Variants in IL1RAPL1 observed in about 807,000 individuals in gnomAD.
IL1RAPL1 encodes the protein interleukin-1 receptor accessory protein-like 1.
Under a neutral mutation model 48.4 loss-of-function variants are expected in IL1RAPL1, and 3 were observed. The ratio of observed to expected loss-of-function variants is 0.06; its 90% CI spans 0.03 to 0.16. IL1RAPL1 has a LOEUF of 0.16. Among genes scored for constraint, IL1RAPL1 ranks in the 10% least tolerant of loss-of-function variants. The pLI is 1.00. For synonymous variants in IL1RAPL1, 185 were observed against 187.7 expected (o/e 0.99, Z 0.12); for missense variants, 349 against 530.6 (o/e 0.66, Z 3.36).
At chrX:28,753,239 A>C (rs1936064279) in intron 1 of IL1RAPL1, among the ~76,000 whole-genome samples, 1 of 111,751 alleles carries the variant, frequency 8.9e-6, no homozygotes, top group Admixed American at 9.5e-5. Context: ...AAAGTTGCTG[A>C]CCCCTACTAT....
intron 5 of IL1RAPL1, among the ~76,000 whole-genome samples, chrX:29,485,043 A>G (rs2147749208): frequency 8.9e-6 from 1 of 112,282 alleles, no homozygotes; most frequent in Admixed American, 9.4e-5. Context: ...TTCAAGAATT[A>G]GATTATTATT....
intron 2 of IL1RAPL1, among the ~76,000 whole-genome samples, chrX:29,121,334 T>C (rs1325479227): frequency 8.9e-6 from 1 of 112,298 alleles, no homozygotes; most frequent in African/African-American, 3.2e-5. Flanking sequence ...GTAGAAAATA[T>C]TGTTAAGTCA....
chrX:29,041,251 T>C (rs1926838865), intron 2 of IL1RAPL1, among the ~76,000 whole-genome samples: 1 of 111,792 alleles, frequency 8.9e-6, no homozygotes, highest in African/African-American at 3.2e-5. Flanking sequence ...CTTAATCTGC[T>C]TTCCCTGAGA....
chrX:29,532,271 A>G (rs1371706431), intron 5 of IL1RAPL1, among the ~76,000 whole-genome samples: 1 of 111,880 alleles, frequency 8.9e-6, no homozygotes, highest in Non-Finnish European at 1.9e-5. Context: ...CCAAGATTAG[A>G]GTAGGTAGAA....
chrX:29,808,438 T>C (rs1309376137), intron 6 of IL1RAPL1, among the ~76,000 whole-genome samples: 1 of 111,672 alleles, frequency 9.0e-6, no homozygotes, highest in East Asian at 2.8e-4. Context: ...TTAAAATTTA[T>C]AGAGTTGCAA....
intron 5 of IL1RAPL1, among the ~76,000 whole-genome samples, chrX:29,645,506 A>G (rs1329330975): frequency 9.2e-6 from 1 of 108,190 alleles, no homozygotes; most frequent in Admixed American, 9.8e-5. Flanking sequence ...ATCTAGCATC[A>G]GTCAGAATTC....
At chrX:29,148,170 G>C (rs754313018) in intron 2 of IL1RAPL1, among the ~76,000 whole-genome samples, 3 of 111,495 alleles carry the variant, frequency 2.7e-5, no homozygotes, top group Non-Finnish European at 3.8e-5. Context: ...TACATATATA[G>C]TCTATACATA....
rs1933853674 is a variant in IL1RAPL1, at chrX:28,587,474, G to C, written c.-598G>C. ...GTACAAGGAAAACCCCGTCGGATCT[G>C]TTATTGCGGGATACTTGTGAAATAT... On this transcript the variant is annotated 5_prime_UTR_variant, in exon 1 of 11. Transcript: ENST00000378993. The C allele has an allele frequency of 9.1e-6, 1 of 109,325 alleles. No individual in the cohort carries two copies. The highest frequency in any genetic ancestry group is 3.3e-5 in the African/African-American group (1 of 30,033). The allele number at this position is 109,325 out of a possible 1,213,427, so 9.0% of individuals were successfully genotyped here.
chrX:28,807,180 A>C (rs6630769), intron 2 of IL1RAPL1, among the ~76,000 whole-genome samples: 36,387 of 110,144 alleles, frequency 0.33, 4,710 homozygotes, highest in East Asian at 0.74. Flanking sequence ...AAAATTACTT[A>C]TCTCTAATGG....
At chrX:29,570,092 C>G (rs1281690314) in intron 5 of IL1RAPL1, among the ~76,000 whole-genome samples, 1 of 112,088 alleles carries the variant, frequency 8.9e-6, no homozygotes, top group Non-Finnish European at 1.9e-5. Flanking sequence ...TTTGCCTCAT[C>G]AGACGGATGC....
chrX:28,992,421 C>T (rs1396404266), intron 2 of IL1RAPL1, among the ~76,000 whole-genome samples: 4 of 98,831 alleles, frequency 4.0e-5, no homozygotes, highest in African/African-American at 1.1e-4. Context: ...GCCTGGGAGA[C>T]GGAGGTTGCA....
chrX:29,214,812 A>T (rs1307231528), intron 2 of IL1RAPL1, among the ~76,000 whole-genome samples: 1 of 112,271 alleles, frequency 8.9e-6, no homozygotes, highest in East Asian at 2.8e-4. Flanking sequence ...TTCATTGTGA[A>T]TAACTAATGC....
At chrX:29,033,978 T>A (rs971854570) in intron 2 of IL1RAPL1, among the ~76,000 whole-genome samples, 1 of 110,663 alleles carries the variant, frequency 9.0e-6, no homozygotes, top group African/African-American at 3.3e-5. Context: ...AAAAAGAAAT[T>A]ATAGTACCTG....
At chrX:29,053,883 G>A (rs1395647975) in intron 2 of IL1RAPL1, among the ~76,000 whole-genome samples, 2 of 111,674 alleles carry the variant, frequency 1.8e-5, no homozygotes, top group Non-Finnish European at 3.8e-5. Context: ...AATTGTAGGA[G>A]TGCAGCTTTA....
At chrX:29,865,829 T>C (rs1286910698) in intron 6 of IL1RAPL1, among the ~76,000 whole-genome samples, 1 of 103,653 alleles carries the variant, frequency 9.6e-6, no homozygotes, top group African/African-American at 3.5e-5. Context: ...TTTGTATTTT[T>C]AGTAAAGAAG....
intron 2 of IL1RAPL1, among the ~76,000 whole-genome samples, chrX:29,177,928 C>CT (rs1302881303): frequency 8.9e-6 from 1 of 111,897 alleles, no homozygotes; most frequent in South Asian, 3.7e-4. Flanking sequence ...TGAATTCATC[C>CT]TTTTTTATGG....
intron 6 of IL1RAPL1, among the ~76,000 whole-genome samples, chrX:29,710,643 T>C (rs1449493939): frequency 1.9e-5 from 2 of 105,821 alleles, no homozygotes; most frequent in Non-Finnish European, 3.9e-5. Context: ...AATGTTTTGT[T>C]CTAGAAACTT....
At chrX:28,669,476 C>T (rs1234266695) in intron 1 of IL1RAPL1, among the ~76,000 whole-genome samples, 1 of 107,751 alleles carries the variant, frequency 9.3e-6, no homozygotes, top group Non-Finnish European at 1.9e-5. Context: ...AAAACTAGCC[C>T]CTTGTGGTGG....
intron 6 of IL1RAPL1, among the ~76,000 whole-genome samples, chrX:29,887,037 G>A (rs1172777056): frequency 9.0e-6 from 1 of 111,459 alleles, no homozygotes; most frequent in Non-Finnish European, 1.9e-5. Context: ...CAATGAATAA[G>A]AATTTCCATT....
Sources: allele counts gnomAD v4.1 joint callset (sites outside exome capture counted in the v4.1 genomes callset), GRCh38; gene constraint gnomAD v4.1.1; transcripts MANE v1.5; gene names NCBI Gene and HGNC (gene_info 2026-07-23, HGNC 2026-07-21).